The following DENND2C variants were observed in gnomAD, a reference collection of about 807,000 sequenced individuals.
DENND2C encodes DENN domain containing 2C.
Under a neutral mutation model 112.4 loss-of-function variants are expected in DENND2C, and 72 were observed. The observed-to-expected ratio is 0.64, with a 90% confidence interval of 0.53 to 0.78. The LOEUF (loss-of-function observed/expected upper bound fraction) is 0.78, where lower values mean the gene tolerates loss of function less well. DENND2C is among the 30% of genes least tolerant of loss of function. The probability of loss-of-function intolerance (pLI) is 0.00; values close to 1 mark genes in which losing one functional copy is unlikely to be tolerated. For synonymous variants in DENND2C, 329 were observed against 381.6 expected, an observed-to-expected ratio of 0.86 and a Z score of 1.61; for missense variants, 992 against 1,113.8, an observed-to-expected ratio of 0.89 and a Z score of 1.56.
At chr1:114,596,443 T>C (rs1261925497) in intron 16 of DENND2C, among the ~76,000 whole-genome samples, 1 of 152,222 alleles carries the variant, frequency 6.6e-6, no homozygotes, top group Non-Finnish European at 1.5e-5. Flanking sequence ...TTATTAAAAG[T>C]TTATGAGACA....
chr1:114,659,439 T>C (rs1375405154), intron 1 of DENND2C, among the ~76,000 whole-genome samples: 1 of 152,040 alleles, frequency 6.6e-6, no homozygotes, highest in East Asian at 1.9e-4. Context: ...GAGGCAGAGG[T>C]TGCAGTGAGC....
chr1:114,625,071 G>C, intron 4 of DENND2C, 108 bp downstream of exon 4: 1 of 1,093,384 alleles, frequency 9.1e-7, no homozygotes, highest in East Asian at 2.6e-5. Flanking sequence ...TCAAAGCAGG[G>C]GCATCACCTA....
At chr1:114,594,726 G>T in intron 17 of DENND2C, 148 bp from the exon 18 acceptor site, 1 of 599,182 alleles carries the variant, frequency 1.7e-6, no homozygotes, top group Non-Finnish European at 2.9e-6. Context: ...TTCCCTACAT[G>T]AAGAATCTTT....
At chr1:114,613,919 T>C (rs563897501) in intron 8 of DENND2C, among the ~76,000 whole-genome samples, 3 of 152,126 alleles carry the variant, frequency 2.0e-5, no homozygotes, top group Non-Finnish European at 2.9e-5. Context: ...CATTTTGTAA[T>C]ACCTGAAAAC....
Position 114,600,212 on chromosome 1 carries a change from G to T in DENND2C, c.2097C>A (p.Asn699Lys). 6.2e-7 allele frequency: 1 copy of T among 1,613,940 alleles called. No individual in the cohort carries two copies. Among genetic ancestry groups the T allele is most frequent in the Non-Finnish European group, 8.5e-7 (1 of 1,179,938 alleles). The change falls in exon 15 of 21, where the codon AAC becomes AAA. Residue 699 changes from asparagine (N) to lysine (K), a missense_variant. By Grantham distance (94) the Asn-to-Lys change is moderately conservative (BLOSUM62 0). Transcript: ENST00000393274. ...LLERRVIFVA[N>K]SLSTLSKCGH... ...TTTCACTTATTTCTTACCTTAGGCT[G>T]TTGGCAACAAAGATTACCCTACGCT...
intron 1 of DENND2C, among the ~76,000 whole-genome samples, chr1:114,668,015 C>G (rs1242606660): frequency 6.6e-6 from 1 of 152,096 alleles, no homozygotes; most frequent in Non-Finnish European, 1.5e-5. Context: ...TTAAAAACAG[C>G]TTTTGTTTTT....
rs2101635593 is a variant in DENND2C at position 114,585,264 on chromosome 1, A to C, written c.*336T>G. 3.6e-6 allele frequency: 1 copy of C among 280,520 alleles called. No homozygotes were observed. The highest frequency in any genetic ancestry group is 6.6e-5 in the East Asian group (1 of 15,128). The allele number at this position is 280,520 out of a possible 1,614,324, so 17.4% of individuals were successfully genotyped here. ...TATTCTCATCTTTGAGCTATTTTTT[A>C]AATGTAACAACAACAAGGCTTTTCC... On this transcript the variant is annotated 3_prime_UTR_variant, in exon 21 of 21. Coordinates refer to ENST00000393274, the MANE Select transcript of DENND2C (RefSeq NM_001256404.2).
intron 3 of DENND2C, among the ~76,000 whole-genome samples, chr1:114,638,773 AAAAAAAGAG>A (rs1656726122): frequency 1.3e-5 from 2 of 151,014 alleles, no homozygotes; most frequent in Non-Finnish European, 3.0e-5. Flanking sequence ...AAAAAAAAAA[AAAAAAAGAG>A]AAAAAAGAAA....
intron 3 of DENND2C, among the ~76,000 whole-genome samples, chr1:114,644,887 T>C: frequency 6.6e-6 from 1 of 152,292 alleles, no homozygotes; most frequent in East Asian, 1.9e-4. Flanking sequence ...AATTGATTTA[T>C]ATGTATTTAT....
At chr1:114,657,999 G>A (rs1657380313) in intron 1 of DENND2C, among the ~76,000 whole-genome samples, 1 of 152,184 alleles carries the variant, frequency 6.6e-6, no homozygotes, top group South Asian at 2.1e-4. Flanking sequence ...GGAACTGAAG[G>A]TAAATGATAA....
At chr1:114,662,355 ACT>A (rs1397169430) in intron 1 of DENND2C, among the ~76,000 whole-genome samples, 2 of 151,834 alleles carry the variant, frequency 1.3e-5, no homozygotes, top group African/African-American at 2.4e-5. Context: ...AGCAAAAATA[ACT>A]CTCTCTCTCC....
intron 3 of DENND2C, among the ~76,000 whole-genome samples, chr1:114,632,398 T>C (rs954167591): frequency 4.6e-5 from 7 of 151,842 alleles, no homozygotes; most frequent in African/African-American, 7.3e-5. Context: ...AGAAAATTCT[T>C]AAGAAGTCAG....
At chr1:114,615,114 TA>T (rs1462129250) in intron 8 of DENND2C, among the ~76,000 whole-genome samples, 3 of 152,206 alleles carry the variant, frequency 2.0e-5, no homozygotes, top group Non-Finnish European at 4.4e-5. Flanking sequence ...CAGTATATGA[TA>T]ATTTATGTGA....
chr1:114,587,762 A>C lies in DENND2C; in HGVS notation c.2622T>G (p.Phe874Leu). 6.2e-7 allele frequency: 1 copy of C among 1,614,146 alleles called. No individual in the cohort carries two copies. Among genetic ancestry groups the C allele is most frequent in the Non-Finnish European group, 8.5e-7 (1 of 1,180,006 alleles). The change falls in exon 19 of 21, where the codon TTT becomes TTG. Residue 874 changes from phenylalanine to leucine, a missense_variant. Physicochemically the swap from Phe to Leu is conservative, Grantham distance 22. Coordinates refer to ENST00000393274, the MANE Select transcript of DENND2C (RefSeq NM_001256404.2). ...GCTCTCGGTCCTGGATGAATCCTGCAAACATCTGAGTTTCCATGAAGAGAT... is the reference window on the plus strand; with the variant it reads ...GCTCTCGGTCCTGGATGAATCCTGCCAACATCTGAGTTTCCATGAAGAGAT... Reference protein sequence around the residue: ...FLDLFMETQMFAGFIQDRELR... With the variant: ...FLDLFMETQMLAGFIQDRELR...
chr1:114,596,159 G>C (rs1469084901), intron 16 of DENND2C, among the ~76,000 whole-genome samples: 1 of 152,180 alleles, frequency 6.6e-6, no homozygotes, highest in East Asian at 1.9e-4. Context: ...GATCTCTTCA[G>C]CCCAGGAGTT....
chr1:114,603,669 C>T (rs980712338), intron 11 of DENND2C, among the ~76,000 whole-genome samples: 3 of 151,918 alleles, frequency 2.0e-5, no homozygotes, highest in African/African-American at 7.3e-5. Flanking sequence ...GCCTCAGCCT[C>T]CCGAGTAGCT....
At chr1:114,623,941 C>A (rs1281079421) in intron 4 of DENND2C, among the ~76,000 whole-genome samples, 2 of 152,020 alleles carry the variant, frequency 1.3e-5, no homozygotes, top group Non-Finnish European at 2.9e-5. Flanking sequence ...TCACCATGAC[C>A]GCCAGGCTGG....
chr1:114,618,309 A>G, intron 8 of DENND2C, 77 bp downstream of exon 8: 1 of 1,118,944 alleles, frequency 8.9e-7, no homozygotes. Flanking sequence ...AATACACATC[A>G]AACATTAAGT....
intron 1 of DENND2C, among the ~76,000 whole-genome samples, chr1:114,656,318 C>T (rs1201807087): frequency 6.6e-6 from 1 of 152,090 alleles, no homozygotes; most frequent in Non-Finnish European, 1.5e-5. Context: ...AAGCGATCCT[C>T]CTGCTTCAGG....
Sources: allele counts gnomAD v4.1 joint callset (sites outside exome capture counted in the v4.1 genomes callset), GRCh38; gene constraint gnomAD v4.1.1; transcripts MANE v1.5; gene names NCBI Gene and HGNC (gene_info 2026-07-23, HGNC 2026-07-21).